HHAT: variants seen among roughly 807,000 people sequenced by gnomAD.
HHAT encodes the protein protein-cysteine N-palmitoyltransferase HHAT.
HHAT carries 47 observed loss-of-function variants against 70.8 expected under a neutral mutation model. The observed-to-expected ratio is 0.66, with a 90% CI of 0.53 to 0.85. The LOEUF is 0.85. HHAT is among the 40% of genes least tolerant of loss of function. HHAT has a pLI of 0.00. For synonymous variants in HHAT, 228 were observed against 247.6 expected, an observed-to-expected ratio of 0.92 and a Z score of 0.74; for missense variants, 609 against 604.8, an observed-to-expected ratio of 1.01 and a Z score of -0.07.
chr1:210,581,778 A>T (rs1659318385), intron 9 of HHAT, among the ~76,000 whole-genome samples: 1 of 152,172 alleles, frequency 6.6e-6, no homozygotes, highest in South Asian at 2.1e-4. Flanking sequence ...ATAATCAATC[A>T]TCCTTTCATT....
At chr1:210,667,553 C>A (rs542356083) in intron 11 of HHAT, among the ~76,000 whole-genome samples, 1 of 152,220 alleles carries the variant, frequency 6.6e-6, no homozygotes, top group Non-Finnish European at 1.5e-5. Flanking sequence ...ATGTCAGCTT[C>A]ATTGAGACAT....
At chr1:210,497,261 G>A (rs1489120501) in intron 8 of HHAT, among the ~76,000 whole-genome samples, 1 of 152,210 alleles carries the variant, frequency 6.6e-6, no homozygotes, top group African/African-American at 2.4e-5. Flanking sequence ...ATTCCCTGGT[G>A]TGAAAACAAA....
At chr1:210,492,306 C>G (rs2094564929) in intron 8 of HHAT, among the ~76,000 whole-genome samples, 1 of 152,194 alleles carries the variant, frequency 6.6e-6, no homozygotes, top group Admixed American at 6.5e-5. Flanking sequence ...CAATAATGGT[C>G]TGTTTACTTG....
chr1:210,527,958 C>T (rs145395499), intron 9 of HHAT, among the ~76,000 whole-genome samples: 144 of 152,274 alleles, frequency 9.5e-4, no homozygotes, highest in African/African-American at 3.2e-3. Flanking sequence ...TCACTCTAAA[C>T]GCATGAACCC....
intron 10 of HHAT, among the ~76,000 whole-genome samples, chr1:210,599,165 G>A (rs1237458106): frequency 1.3e-5 from 2 of 152,164 alleles, no homozygotes; most frequent in African/African-American, 2.4e-5. Flanking sequence ...CACTTGAAAT[G>A]TGGCTAGTGC....
At chr1:210,576,134 T>C (rs1657673981) in intron 9 of HHAT, among the ~76,000 whole-genome samples, 1 of 152,194 alleles carries the variant, frequency 6.6e-6, no homozygotes, top group African/African-American at 2.4e-5. Flanking sequence ...CTAAGTGACC[T>C]GGATCTGATG....
At chr1:210,451,462 A>G (rs1364918191) in intron 7 of HHAT, among the ~76,000 whole-genome samples, 1 of 152,200 alleles carries the variant, frequency 6.6e-6, no homozygotes, top group East Asian at 1.9e-4. Flanking sequence ...TTTCTTTTCT[A>G]TACCTGAAAA....
chr1:210,613,474 G>A (rs968682990), intron 10 of HHAT, among the ~76,000 whole-genome samples: 4 of 151,982 alleles, frequency 2.6e-5, no homozygotes, highest in African/African-American at 9.7e-5. Flanking sequence ...TATTCCATTG[G>A]TCTATATGTT....
At chr1:210,372,779 T>TG (rs924028822) in intron 3 of HHAT, among the ~76,000 whole-genome samples, 3 of 93,794 alleles carry the variant, frequency 3.2e-5, no homozygotes, top group African/African-American at 1.2e-4. Context: ...TCAAGGGAGG[T>TG]GTTTTTTTTT....
intron 9 of HHAT, among the ~76,000 whole-genome samples, chr1:210,570,659 C>T (rs1201505784): frequency 1.3e-5 from 2 of 152,166 alleles, no homozygotes; most frequent in African/African-American, 2.4e-5. Context: ...AGTTGGGGGT[C>T]ACCCTTGGCA....
intron 4 of HHAT, among the ~76,000 whole-genome samples, chr1:210,392,255 G>A (rs1337431490): frequency 6.6e-6 from 1 of 152,134 alleles, no homozygotes; most frequent in Non-Finnish European, 1.5e-5. Flanking sequence ...GGGACACTGT[G>A]TTTTTCATCT....
chr1:210,439,573 T>G (rs2093457659), intron 7 of HHAT: 1 of 151,952 alleles, frequency 6.6e-6, no homozygotes, highest in South Asian at 2.1e-4. Context: ...GGTCAGAGTT[T>G]TGCTAATGTA....
intron 9 of HHAT, among the ~76,000 whole-genome samples, chr1:210,543,667 T>C (rs1479498133): frequency 6.6e-6 from 1 of 152,186 alleles, no homozygotes; most frequent in Non-Finnish European, 1.5e-5. Context: ...TTGAATTCAT[T>C]TTTGGGGCTC....
At chr1:210,575,805 G>A (rs1032538440) in intron 9 of HHAT, among the ~76,000 whole-genome samples, 4 of 152,202 alleles carry the variant, frequency 2.6e-5, no homozygotes, top group Middle Eastern at 3.2e-3. Flanking sequence ...GATAAAATGT[G>A]TAAACCTGTA....
intron 3 of HHAT, among the ~76,000 whole-genome samples, chr1:210,386,222 C>CTTTTTTCTTTTTTTTTTTTTTTTT (rs1558409107): frequency 1.4e-5 from 1 of 69,890 alleles, no homozygotes; most frequent in Admixed American, 1.7e-4. Flanking sequence ...GAGTCCTTTT[C>CTTTTTTCTTTTTTTTTTTTTTTTT]TTTTTTTCTT....
intron 1 of HHAT, among the ~76,000 whole-genome samples, chr1:210,347,304 C>G (rs1311379504): frequency 6.6e-6 from 1 of 152,136 alleles, no homozygotes; most frequent in Admixed American, 6.5e-5. Context: ...TCACATTTGT[C>G]ATCTATAAAA....
intron 9 of HHAT, among the ~76,000 whole-genome samples, chr1:210,544,800 A>G (rs1373878719): frequency 6.6e-6 from 1 of 152,088 alleles, no homozygotes; most frequent in Non-Finnish European, 1.5e-5. Flanking sequence ...TCAATATCTT[A>G]TCTCTTCAGT....
chr1:210,559,356 C>T (rs1339617598), intron 9 of HHAT, among the ~76,000 whole-genome samples: 1 of 152,172 alleles, frequency 6.6e-6, no homozygotes, highest in African/African-American at 2.4e-5. Context: ...ACAGTAGGTA[C>T]TCAGTAAATA....
intron 1 of HHAT, among the ~76,000 whole-genome samples, chr1:210,347,884 T>C (rs867523798): frequency 2.6e-5 from 4 of 152,210 alleles, no homozygotes; most frequent in Non-Finnish European, 5.9e-5. Flanking sequence ...GCCACAGCCA[T>C]GTCCCTTCAC....
Sources: gnomAD v4.1 joint callset for allele counts (sites outside exome capture counted in the v4.1 genomes callset) on GRCh38, gnomAD v4.1.1 for gene constraint, MANE v1.5 for transcripts, NCBI Gene and HGNC (gene_info 2026-07-23, HGNC 2026-07-21) for gene names.